ANGPTL1: variants seen among roughly 807,000 people sequenced by gnomAD.
ANGPTL1 encodes angiopoietin-related protein 1.
In ANGPTL1, 36 loss-of-function variants were observed where a neutral mutation model predicts 46.7. That is an observed-to-expected ratio of 0.77 (90% CI 0.59 to 1.02). ANGPTL1 has a LOEUF of 1.02. Ranked by LOEUF, ANGPTL1 falls within the 50% of genes least tolerant of loss-of-function variation. The probability of loss-of-function intolerance (pLI) is 0.00; values close to 1 mark genes in which losing one functional copy is unlikely to be tolerated. For synonymous variants in ANGPTL1, 221 were observed against 204.3 expected (o/e 1.08, Z -0.69); for missense variants, 571 against 594.7 (o/e 0.96, Z 0.41).
intron 3 of ANGPTL1, among the ~76,000 whole-genome samples, chr1:178,863,954 C>A (rs951175831): frequency 6.6e-6 from 1 of 152,030 alleles, no homozygotes. Flanking sequence ...TGTTTTATGT[C>A]CTGCCTTTTC....
chr1:178,862,124 C>T (rs1279664479), intron 3 of ANGPTL1, among the ~76,000 whole-genome samples: 1 of 152,052 alleles, frequency 6.6e-6, no homozygotes, highest in African/African-American at 2.4e-5. Context: ...CCGTCTGCCT[C>T]GGCCTCCGAA....
At chr1:178,866,527 A>T (rs1658424160) in intron 2 of ANGPTL1, among the ~76,000 whole-genome samples, 1 of 152,166 alleles carries the variant, frequency 6.6e-6, no homozygotes, top group Non-Finnish European at 1.5e-5. Context: ...GCTTATAGAT[A>T]ATTCAGCAGG....
chr1:178,853,231 A>G, intron 4 of ANGPTL1: 1 of 984,404 alleles, frequency 1.0e-6, no homozygotes, highest in Non-Finnish European at 1.2e-6. Context: ...ATTTATCCAT[A>G]GCTACTAAAA....
In ANGPTL1 at chr1:178,853,480, A is replaced by G. The variant is rs942601156; in HGVS notation, c.1017+114T>C. On this transcript the variant is annotated intron_variant, in intron 4 of 5. Transcript: ENST00000234816. ...TGACAGATGTAGATAATGAAAAAAC[A>G]TATGGATAGTTATTTTTAACTGTGT... The G allele has an allele frequency of 3.2e-6, 3 of 943,316 alleles. No individual in the cohort carries two copies. The African/African-American group carries it at 5.2e-5, about 16-fold the overall frequency. 58.4% of individuals were successfully genotyped at this position (943,316 alleles called of 1,614,324 possible). A position where few individuals can be genotyped will look rare whatever the true frequency, so the allele number is the denominator to read the frequency against.
At chr1:178,856,922 G>A (rs144841192) in intron 3 of ANGPTL1, among the ~76,000 whole-genome samples, 180 of 152,130 alleles carry the variant, frequency 1.2e-3, no homozygotes, top group African/African-American at 3.9e-3. Flanking sequence ...GTTACCTGTG[G>A]CACAAAACAT....
intron 3 of ANGPTL1, among the ~76,000 whole-genome samples, chr1:178,863,149 A>G (rs1658149145): frequency 6.6e-6 from 1 of 152,168 alleles, no homozygotes; most frequent in African/African-American, 2.4e-5. Flanking sequence ...GGATCATTTG[A>G]ATCTAAACAA....
chr1:178,862,597 A>T (rs532068741), intron 3 of ANGPTL1, among the ~76,000 whole-genome samples: 9 of 55,094 alleles, frequency 1.6e-4, no homozygotes, highest in South Asian at 1.5e-3. Flanking sequence ...CATTTTTTTT[A>T]TTTATTTATT....
At chr1:178,866,298 A>G (rs942339705) in intron 2 of ANGPTL1, among the ~76,000 whole-genome samples, 4 of 152,238 alleles carry the variant, frequency 2.6e-5, no homozygotes, top group East Asian at 1.9e-4. Flanking sequence ...TGCAATTCCA[A>G]TTAAATTGAT....
In ANGPTL1 at chr1:178,850,998, A is replaced by T; in HGVS notation, c.*131T>A. On this transcript the variant is annotated 3_prime_UTR_variant, in exon 6 of 6. Coordinates refer to ENST00000234816, the MANE Select transcript of ANGPTL1 (RefSeq NM_004673.4). ...CATTTATAGGTTCCCTTTTATAGTTACGGTAAAATTCATTTTAAAAACTTT... is the reference window on the plus strand; with the variant it reads ...CATTTATAGGTTCCCTTTTATAGTTTCGGTAAAATTCATTTTAAAAACTTT... 1.2e-6 allele frequency: 1 copy of T among 821,544 alleles called. No individual in the cohort carries two copies. The highest frequency in any genetic ancestry group is 3.0e-5 in the East Asian group (1 of 33,688). 50.9% of individuals were successfully genotyped at this position (821,544 alleles called of 1,614,324 possible).
chr1:178,854,251 CTGGATCAGAGGA>C (rs1165676459), intron 3 of ANGPTL1, among the ~76,000 whole-genome samples: 2 of 152,082 alleles, frequency 1.3e-5, no homozygotes, highest in Non-Finnish European at 2.9e-5. Flanking sequence ...GATCGATCTA[CTGGATCAGAGGA>C]TATCAGTTTA....
rs543947031 is a variant in ANGPTL1 at position 178,859,401 on chromosome 1, CT to C, written c.823+5552del. 4.3e-3 allele frequency among the ~76,000 whole-genome samples: 533 copies of C among 122,896 alleles called. 3 individuals carry two copies. The highest frequency in any genetic ancestry group is 0.014 in the African/African-American group (441 of 32,270). 80.6% of individuals were successfully genotyped at this position (122,896 alleles called of 152,430 possible). On this transcript the variant is annotated intron_variant, in intron 3 of 5. Coordinates refer to ENST00000234816, the MANE Select transcript of ANGPTL1 (RefSeq NM_004673.4). ...TCTAATGACTACTTTCCAAGTTTAA[CT>C]TTTTTTTTTTTTTTTTTTTTGAGAC...
Position 178,865,383 on chromosome 1 carries a change from G to A in ANGPTL1, c.394C>T (p.Gln132Ter), listed in dbSNP as rs763107039. 6.2e-7 allele frequency: 1 copy of A among 1,614,002 alleles called. No homozygotes were observed. Among genetic ancestry groups the A allele is most frequent in the South Asian group, 1.1e-5 (1 of 91,076 alleles). Residue 132 changes from glutamine (Q) to a stop codon, truncating the protein, a stop_gained, in exon 3 of 6, where the codon CAA (glutamine) becomes TAA (stop). Transcript: ENST00000234816. LOFTEE classifies it high-confidence loss of function. Reference sequence around the variant, plus strand: ...TCATGTAATAATTGCATATAGAGTTGAGTAACACGAGAGTTCATGTTACGG... The same window carrying A: ...TCATGTAATAATTGCATATAGAGTTAAGTAACACGAGAGTTCATGTTACGG... ...ESRNMNSRVTQLYMQLLHEII... is the reference protein window; with the variant it reads ...ESRNMNSRVT
At chr1:178,859,695 CTT>C (rs1190050936) in intron 3 of ANGPTL1, among the ~76,000 whole-genome samples, 7 of 108,250 alleles carry the variant, frequency 6.5e-5, no homozygotes, top group South Asian at 2.9e-4. Flanking sequence ...ACACGAAGCA[CTT>C]TTTTTTTTTT....
chr1:178,853,828 G>A, intron 3 of ANGPTL1, 41 bp from the exon 4 acceptor site: 1 of 1,463,500 alleles, frequency 6.8e-7, no homozygotes, highest in Non-Finnish European at 9.1e-7. Flanking sequence ...AACTTAATAT[G>A]AGAAGAGACA....
chr1:178,859,027 G>A (rs1288779759), intron 3 of ANGPTL1, among the ~76,000 whole-genome samples: 1 of 152,168 alleles, frequency 6.6e-6, no homozygotes, highest in Non-Finnish European at 1.5e-5. Context: ...CAACATTTCT[G>A]GAGTGGGAAG....
chr1:178,860,490 T>C (rs1345091245), intron 3 of ANGPTL1, among the ~76,000 whole-genome samples: 1 of 152,176 alleles, frequency 6.6e-6, no homozygotes, highest in Non-Finnish European at 1.5e-5. Flanking sequence ...ATGTACAGTT[T>C]ATTGGCATTA....
Position 178,851,045 on chromosome 1 carries a change from C to T in ANGPTL1, c.*84G>A. 1.6e-6 allele frequency: 2 copies of T among 1,262,142 alleles called. No individual in the cohort carries two copies. The highest frequency in any genetic ancestry group is 2.1e-6 in the Non-Finnish European group (2 of 939,728). 78.2% of individuals were successfully genotyped at this position (1,262,142 alleles called of 1,614,324 possible). On this transcript the variant is annotated 3_prime_UTR_variant, in exon 6 of 6. Transcript: ENST00000234816. ...CTTTCTGTGTAGAAATAAATTGTGC[C>T]AAGTAATATACATGTAACATTTACA...
intron 2 of ANGPTL1, among the ~76,000 whole-genome samples, chr1:178,867,968 C>T (rs2102343809): frequency 6.6e-6 from 1 of 151,888 alleles, no homozygotes; most frequent in Non-Finnish European, 1.5e-5. Flanking sequence ...GAAAATAAGG[C>T]AAATATAGAT....
chr1:178,860,192 T>A (rs1037013148), intron 3 of ANGPTL1, among the ~76,000 whole-genome samples: 1 of 151,856 alleles, frequency 6.6e-6, no homozygotes, highest in African/African-American at 2.4e-5. Context: ...TAATTTTTTT[T>A]AATAAAAGAC....
Sources: gnomAD v4.1 joint callset for allele counts (sites outside exome capture counted in the v4.1 genomes callset) on GRCh38, gnomAD v4.1.1 for gene constraint, MANE v1.5 for transcripts, NCBI Gene and HGNC (gene_info 2026-07-23, HGNC 2026-07-21) for gene names.